The following NCALD variants were observed in gnomAD, a reference collection of about 807,000 sequenced individuals.
The protein encoded by NCALD is neurocalcin delta.
Under a neutral mutation model 18.6 loss-of-function variants are expected in NCALD, and 10 were observed. The ratio of observed to expected loss-of-function variants is 0.54; its 90% CI spans 0.33 to 0.91. NCALD has a LOEUF of 0.91. Ranked by LOEUF, NCALD falls within the 40% of genes least tolerant of loss-of-function variation. The probability of loss-of-function intolerance (pLI) is 0.03; values close to 1 mark genes in which losing one functional copy is unlikely to be tolerated. For synonymous variants in NCALD, 88 were observed against 87.4 expected (o/e 1.01, Z -0.04); for missense variants, 184 against 247.6 (o/e 0.74, Z 1.72).
At chr8:102,074,930 T>C (rs142401144) in intron 1 of NCALD, among the ~76,000 whole-genome samples, 1 of 152,314 alleles carries the variant, frequency 6.6e-6, no homozygotes, top group African/African-American at 2.4e-5. Flanking sequence ...TACTGCTCCA[T>C]CATTTCTTCT....
At chr8:101,742,814 C>T (rs1466141002) in intron 1 of NCALD, among the ~76,000 whole-genome samples, 1 of 152,104 alleles carries the variant, frequency 6.6e-6, no homozygotes, top group Non-Finnish European at 1.5e-5. Context: ...TGTCCTGATG[C>T]TCTCCCTCCA....
chr8:102,068,379 C>T (rs1281105877), intron 1 of NCALD, among the ~76,000 whole-genome samples: 1 of 152,240 alleles, frequency 6.6e-6, no homozygotes, highest in African/African-American at 2.4e-5. Context: ...CATGCTCACG[C>T]CACTCTGGCC....
At chr8:101,888,301 A>T (rs1050038304) in intron 3 of NCALD, among the ~76,000 whole-genome samples, 1 of 152,164 alleles carries the variant, frequency 6.6e-6, no homozygotes, top group Non-Finnish European at 1.5e-5. Context: ...TAAAAACCCT[A>T]GTACTCAGGT....
At chr8:101,792,208 G>A (rs982007449), upstream of NCALD, among the ~76,000 whole-genome samples, 3 of 152,142 alleles carry the variant, frequency 2.0e-5, no homozygotes, top group Admixed American at 6.5e-5. Flanking sequence ...GAGTAGCTCT[G>A]GGGTGCTACA....
At chr8:102,070,499 T>A (rs1375624146) in intron 1 of NCALD, among the ~76,000 whole-genome samples, 1 of 152,198 alleles carries the variant, frequency 6.6e-6, no homozygotes, top group African/African-American at 2.4e-5. Flanking sequence ...TGGGGACTGC[T>A]CCCTGGAAAA....
At chr8:101,845,799 C>G (rs1814844850) in intron 4 of NCALD, among the ~76,000 whole-genome samples, 1 of 152,098 alleles carries the variant, frequency 6.6e-6, no homozygotes, top group Non-Finnish European at 1.5e-5. Context: ...GCATTTTGTA[C>G]CCATTAACCA....
intron 2 of NCALD, among the ~76,000 whole-genome samples, chr8:101,994,161 C>T (rs1040033091): frequency 6.6e-6 from 1 of 152,140 alleles, no homozygotes; most frequent in Non-Finnish European, 1.5e-5. Flanking sequence ...GTATGTATAA[C>T]TTTGGTGATC....
At chr8:101,699,414 T>C (rs570923225) in intron 2 of NCALD, among the ~76,000 whole-genome samples, 4 of 152,176 alleles carry the variant, frequency 2.6e-5, no homozygotes, top group Non-Finnish European at 5.9e-5. Context: ...TTACTGGGTA[T>C]ATACCCAAAG....
intron 1 of NCALD, among the ~76,000 whole-genome samples, chr8:101,778,654 C>A (rs1811890494): frequency 6.6e-6 from 1 of 151,672 alleles, no homozygotes; most frequent in African/African-American, 2.4e-5. Context: ...TCTGAATGCA[C>A]ATAAAAGGGA....
chr8:101,966,421 G>A (rs544715028), intron 2 of NCALD, among the ~76,000 whole-genome samples: 3 of 146,168 alleles, frequency 2.1e-5, no homozygotes, highest in Admixed American at 1.4e-4. Context: ...TCATAGGTGA[G>A]AATTGAACAA....
chr8:101,762,558 G>A (rs1438275161), intron 1 of NCALD, among the ~76,000 whole-genome samples: 3 of 151,374 alleles, frequency 2.0e-5, no homozygotes, highest in African/African-American at 7.3e-5. Context: ...AATCAGCACT[G>A]GTCTACAGAC....
intron 3 of NCALD, among the ~76,000 whole-genome samples, chr8:101,914,257 A>G (rs547405928): frequency 6.6e-6 from 1 of 151,978 alleles, no homozygotes; most frequent in Non-Finnish European, 1.5e-5. Context: ...ATGTCGCTCT[A>G]CTGGAATTTG....
chr8:101,925,236 C>T (rs1186108581), intron 2 of NCALD, among the ~76,000 whole-genome samples: 2 of 152,104 alleles, frequency 1.3e-5, no homozygotes, highest in Admixed American at 6.5e-5. Context: ...GGAAGAGTGG[C>T]TGGGTGCCTC....
chr8:101,899,407 T>C (rs973054846), intron 3 of NCALD, among the ~76,000 whole-genome samples: 5 of 152,026 alleles, frequency 3.3e-5, no homozygotes, highest in Non-Finnish European at 7.4e-5. Context: ...CTCTATTGCA[T>C]GTCAAACTTT....
chr8:102,061,600 T>A (rs1823851272), intron 1 of NCALD, among the ~76,000 whole-genome samples: 1 of 152,076 alleles, frequency 6.6e-6, no homozygotes, highest in Non-Finnish European at 1.5e-5. Flanking sequence ...AAATAAGAAA[T>A]GTGAAATTTT....
At chr8:101,921,458 A>G (rs994670830) in intron 2 of NCALD, among the ~76,000 whole-genome samples, 2 of 152,140 alleles carry the variant, frequency 1.3e-5, no homozygotes, top group African/African-American at 4.8e-5. Context: ...AGACGTAACT[A>G]CCAATTTCTG....
chr8:102,118,035 G>A (rs1290219112), intron 1 of NCALD, among the ~76,000 whole-genome samples: 6 of 152,184 alleles, frequency 3.9e-5, no homozygotes, highest in Admixed American at 2.0e-4. Flanking sequence ...CTGTAAATTG[G>A]GGATAATTAG....
chr8:101,774,487 T>C (rs192330473), intron 1 of NCALD, among the ~76,000 whole-genome samples: 4 of 152,296 alleles, frequency 2.6e-5, no homozygotes, highest in Non-Finnish European at 4.4e-5. Flanking sequence ...AAGTTAACCA[T>C]TGGGGAAATG....
At chr8:101,970,196 G>T (rs1456376623) in intron 2 of NCALD, among the ~76,000 whole-genome samples, 1 of 152,114 alleles carries the variant, frequency 6.6e-6, no homozygotes, top group Non-Finnish European at 1.5e-5. Context: ...CTACTCTCCA[G>T]ATTCTTAGAA....
Sources: gnomAD v4.1 joint callset for allele counts (sites outside exome capture counted in the v4.1 genomes callset) on GRCh38, gnomAD v4.1.1 for gene constraint, MANE v1.5 for transcripts, NCBI Gene and HGNC (gene_info 2026-07-23, HGNC 2026-07-21) for gene names.